FGGY: variants seen among roughly 807,000 people sequenced by gnomAD.
The protein encoded by FGGY is FGGY carbohydrate kinase domain-containing protein.
A neutral mutation model predicts 71.3 loss-of-function variants in FGGY; 72 were observed. The ratio of observed to expected loss-of-function variants is 1.01; its 90% CI spans 0.84 to 1.23. The LOEUF is 1.23. FGGY is among the 50% of genes most tolerant of loss of function. The pLI, the probability that FGGY is intolerant of heterozygous loss-of-function variation, is 0.00. For synonymous variants in FGGY, 251 were observed against 250.3 expected (o/e 1.00, Z -0.02); for missense variants, 668 against 682.3 (o/e 0.98, Z 0.23).
intron 5 of FGGY, among the ~76,000 whole-genome samples, chr1:59,418,763 C>T (rs1217202787): frequency 2.6e-5 from 4 of 152,022 alleles, no homozygotes; most frequent in Non-Finnish European, 4.4e-5. Context: ...TAACTTTTCT[C>T]TTTAACATAG....
chr1:59,723,696 AT>A (rs2097916465), intron 14 of FGGY, among the ~76,000 whole-genome samples: 1 of 152,250 alleles, frequency 6.6e-6, no homozygotes, highest in Middle Eastern at 3.4e-3. Flanking sequence ...ACACAGTTAC[AT>A]TGTTTTTGAC....
chr1:59,437,774 T>G (rs113817019), intron 5 of FGGY, among the ~76,000 whole-genome samples: 5 of 152,336 alleles, frequency 3.3e-5, no homozygotes, highest in African/African-American at 1.2e-4. Flanking sequence ...TCAGACCCCC[T>G]TCCCAGTCTA....
chr1:59,440,198 T>G (rs774447454), intron 5 of FGGY, among the ~76,000 whole-genome samples: 29 of 151,662 alleles, frequency 1.9e-4, no homozygotes, highest in Non-Finnish European at 3.7e-4. Flanking sequence ...CTAAGAGTGC[T>G]CTCAATTAGA....
intron 9 of FGGY, among the ~76,000 whole-genome samples, chr1:59,608,672 A>C (rs903925209): frequency 3.3e-5 from 5 of 152,088 alleles, no homozygotes; most frequent in African/African-American, 9.7e-5. Context: ...ATCTCTACTA[A>C]AAATACAAAA....
At chr1:59,491,053 T>TTCCTTTCCTTTCCCTCCCTCCCTCCCTC (rs1570025870) in intron 6 of FGGY, among the ~76,000 whole-genome samples, 1 of 2,038 alleles carries the variant, frequency 4.9e-4, no homozygotes, top group Non-Finnish European at 7.2e-4. Context: ...CTTCCTTCCT[T>TTCCTTTCCTTTCCCTCCCTCCCTCCCTC]CCTTCCTTCC....
chr1:59,314,427 T>C (rs977774852), intron 1 of FGGY, among the ~76,000 whole-genome samples: 1 of 152,204 alleles, frequency 6.6e-6, no homozygotes, highest in African/African-American at 2.4e-5. Context: ...CCCAGTGCCA[T>C]TGATTCTTTC....
chr1:59,429,397 G>T (rs537934605), intron 5 of FGGY, among the ~76,000 whole-genome samples: 1 of 151,896 alleles, frequency 6.6e-6, no homozygotes, highest in Non-Finnish European at 1.5e-5. Flanking sequence ...TTTTTGCTTG[G>T]TAAGTTTCTT....
chr1:59,494,698 C>A (rs1282697286), intron 6 of FGGY, among the ~76,000 whole-genome samples: 1 of 151,922 alleles, frequency 6.6e-6, no homozygotes, highest in African/African-American at 2.4e-5. Context: ...ATACTGTTGC[C>A]CACAAGGAAA....
rs191924191 is a variant in FGGY, at chr1:59,497,583, G to A, written c.671-14728G>A. ...AGCCTGGGCGACAGAGCCAGACTCC[G>A]TCTCAAACAAACAAAGAAACAAAAA... is the stretch of plus-strand genomic sequence containing the variant. On this transcript the variant is annotated intron_variant, in intron 6 of 15. Transcript: ENST00000303721. 1.2e-4 allele frequency among the ~76,000 whole-genome samples: 19 copies of A among 152,194 alleles called. No individual in the cohort carries two copies. In the East Asian group the frequency reaches 2.1e-3, roughly 17 times the overall value.
chr1:59,335,308 T>G lies in FGGY; in HGVS notation c.202-4650T>G, dbSNP rs181834830. Among the ~76,000 whole-genome samples the G allele has an allele frequency of 1.3e-3, 203 of 152,302 alleles. 1 individual carries two copies. Among genetic ancestry groups the G allele is most frequent in the African/African-American group, 4.7e-3 (196 of 41,570 alleles). ...TTTATATAAATAGAATCACATAGCG[T>G]GCTTTCTTTTATATCTGGCTCTTTT... is the stretch of plus-strand genomic sequence containing the variant. On this transcript the variant is annotated intron_variant, in intron 2 of 15. Transcript: ENST00000303721.
rs1370671727 is a variant in FGGY, at chr1:59,346,267, A to G, written c.334A>G (p.Ile112Val). Reference protein sequence around the residue: ...NQEGDSHRNVIMWLDHRAVSQ... With the variant: ...NQEGDSHRNVVMWLDHRAVSQ... Reference sequence around the variant, plus strand: ...GCTAGGGGATTCCCATCGAAACGTCATCATGTGGCTGGACCATCGAGCAGT... The same window carrying G: ...GCTAGGGGATTCCCATCGAAACGTCGTCATGTGGCTGGACCATCGAGCAGT... Residue 112 changes from isoleucine (I) to valine (V), a missense_variant, in exon 4 of 16, where the codon ATC becomes GTC. Physicochemically the swap from Ile to Val is conservative, Grantham distance 29 (BLOSUM62 3). This residue lies in a region of FGGY where 661 missense variants were observed against 661.6 expected (regional missense o/e 1.00). Coordinates refer to ENST00000303721, the MANE Select transcript of FGGY (RefSeq NM_018291.5). The G allele has an allele frequency of 6.2e-7, 1 of 1,612,936 alleles. No individual in the cohort carries two copies. The highest frequency in any genetic ancestry group is 2.2e-5 in the East Asian group (1 of 44,874).
intron 11 of FGGY, among the ~76,000 whole-genome samples, chr1:59,659,288 G>A (rs1173201536): frequency 6.6e-6 from 1 of 152,112 alleles, no homozygotes; most frequent in African/African-American, 2.4e-5. Context: ...TGGGGTTCAG[G>A]GTGAAATCTG....
Position 59,378,959 on chromosome 1 carries a change from A to G in FGGY, c.554+122A>G, listed in dbSNP as rs544867041. On this transcript the variant is annotated intron_variant, in intron 5 of 15. Transcript: ENST00000303721. ...TTGGTACATCTGCATGTGATTTTGCATACATGAAACATCTTGAATCTATCT... is the reference window on the plus strand; with the variant it reads ...TTGGTACATCTGCATGTGATTTTGCGTACATGAAACATCTTGAATCTATCT... 6.6e-6 allele frequency: 5 copies of G among 754,086 alleles called. No homozygotes were observed. In the South Asian group the frequency reaches 7.0e-5, roughly 11 times the overall value. 46.7% of individuals were successfully genotyped at this position (754,086 alleles called of 1,614,324 possible).
rs1358258366 is a variant in FGGY, at chr1:59,583,947, C to T, written c.904-23856C>T. Among the ~76,000 whole-genome samples, 5 of 115,738 alleles carry T rather than the reference C, an allele frequency of 4.3e-5. 1 individual carries two copies. The highest frequency in any genetic ancestry group is 1.4e-4 in the African/African-American group (4 of 29,064). The allele number at this position is 115,738 out of a possible 152,430, so 75.9% of individuals were successfully genotyped here. On this transcript the variant is annotated intron_variant, in intron 8 of 15. Coordinates refer to ENST00000303721, the MANE Select transcript of FGGY (RefSeq NM_018291.5). Reference sequence around the variant, plus strand: ...GCTGCTCGGAAGTGTCGACGGCTCACCACTTATGTGTTGGCTTTTGTTCCT... The same window carrying T: ...GCTGCTCGGAAGTGTCGACGGCTCATCACTTATGTGTTGGCTTTTGTTCCT...
chr1:59,517,771 G>A (rs528049406), intron 7 of FGGY, among the ~76,000 whole-genome samples: 35 of 147,538 alleles, frequency 2.4e-4, no homozygotes, highest in Non-Finnish European at 5.1e-4. Context: ...ACATATGGAG[G>A]ACCCTTAACA....
intron 14 of FGGY, among the ~76,000 whole-genome samples, chr1:59,719,835 C>G (rs1190394433): frequency 6.6e-6 from 1 of 152,146 alleles, no homozygotes; most frequent in Non-Finnish European, 1.5e-5. Context: ...GATGAAAAAA[C>G]TGAGGTTCAG....
chr1:59,400,432 C>T (rs1050627494), intron 5 of FGGY, among the ~76,000 whole-genome samples: 1 of 152,122 alleles, frequency 6.6e-6, no homozygotes, highest in Non-Finnish European at 1.5e-5. Context: ...TCCTTCATAG[C>T]CTCAAAACTT....
intron 6 of FGGY, among the ~76,000 whole-genome samples, chr1:59,467,203 G>A (rs1045540182): frequency 2.0e-5 from 3 of 152,088 alleles, no homozygotes; most frequent in African/African-American, 7.2e-5. Flanking sequence ...CTTTTGTAGG[G>A]ACATGGATGA....
At chr1:59,697,335 A>G (rs1293273024) in intron 14 of FGGY, among the ~76,000 whole-genome samples, 1 of 152,156 alleles carries the variant, frequency 6.6e-6, no homozygotes, top group East Asian at 1.9e-4. Flanking sequence ...TTTACCCGTT[A>G]AACAATAACT....
Sources: allele counts gnomAD v4.1 joint callset (sites outside exome capture counted in the v4.1 genomes callset), GRCh38; gene constraint gnomAD v4.1.1; regional missense constraint gnomAD v4.1.1; transcripts MANE v1.5; gene names NCBI Gene and HGNC (gene_info 2026-07-23, HGNC 2026-07-21).